Variants in ARHGEF12 observed in about 807,000 individuals in gnomAD.
ARHGEF12 encodes Rho guanine nucleotide exchange factor 12, also known as KMT2A/ARHGEF12 fusion protein.
ARHGEF12 carries 66 observed loss-of-function variants against 211.2 expected under a neutral mutation model. The ratio of observed to expected loss-of-function variants is 0.31; its 90% CI spans 0.26 to 0.38. The LOEUF (loss-of-function observed/expected upper bound fraction) is 0.38. ARHGEF12 is among the 10% of genes least tolerant of loss of function. The pLI is 1.00. For missense variants in ARHGEF12, 1,429 were observed against 1,869.5 expected, an observed-to-expected ratio of 0.76 and a Z score of 4.34; for synonymous variants, 592 against 638.4, an observed-to-expected ratio of 0.93 and a Z score of 1.09.
intron 1 of ARHGEF12, among the ~76,000 whole-genome samples, chr11:120,376,372 G>A (rs1943723862): frequency 6.6e-6 from 1 of 151,956 alleles, no homozygotes. Context: ...ACTTAGGTTC[G>A]TATTTTAAGT....
intron 27 of ARHGEF12, chr11:120,462,834 G>A (rs986885877): frequency 6.6e-6 from 1 of 152,128 alleles, no homozygotes; most frequent in African/African-American, 2.4e-5. Flanking sequence ...TTCCAACTTC[G>A]ACAGTTTTTT....
intron 22 of ARHGEF12, among the ~76,000 whole-genome samples, chr11:120,454,411 GTTA>G (rs962059724): frequency 1.3e-5 from 2 of 152,130 alleles, no homozygotes; most frequent in African/African-American, 4.8e-5. Flanking sequence ...CATTAAAGAA[GTTA>G]TTATCTCTAT....
chr11:120,411,113 C>T (rs1366093608), intron 4 of ARHGEF12: 1 of 152,068 alleles, frequency 6.6e-6, no homozygotes, highest in Non-Finnish European at 1.5e-5. Context: ...TCAGGCATGC[C>T]ATTGGCTTGG....
rs189496947 is a variant in ARHGEF12, at chr11:120,403,323, A to G, written c.33-2795A>G. Among the ~76,000 whole-genome samples, 1,436 of 152,202 alleles carry G rather than the reference A, an allele frequency of 9.4e-3. 46 individuals carry two copies. The highest frequency in any genetic ancestry group is 0.056 in the Admixed American group (852 of 15,278). Reference sequence around the variant, plus strand: ...GGAGTTCAAGATCAGCCTGGCCAACATGGCGAAACCCCGTCTCTACTAAAA... The same window carrying G: ...GGAGTTCAAGATCAGCCTGGCCAACGTGGCGAAACCCCGTCTCTACTAAAA... On this transcript the variant is annotated intron_variant, in intron 1 of 40. Coordinates refer to ENST00000397843, the MANE Select transcript of ARHGEF12 (RefSeq NM_015313.3).
rs1472333450 is a variant in ARHGEF12 at position 120,479,954 on chromosome 11, G to A, written c.3767-6G>A. ...TTTTTTTCCCCCTCCTTCCTAAATC[G>A]TTTAGTGGGTTTGTTGAAGCAGTTG... On this transcript the variant is annotated splice_polypyrimidine_tract_variant and splice_region_variant and intron_variant, in intron 37 of 40. Coordinates refer to ENST00000397843, the MANE Select transcript of ARHGEF12 (RefSeq NM_015313.3). 13 of 1,607,550 alleles carry A rather than the reference G, an allele frequency of 8.1e-6. No individual in the cohort carries two copies. Among genetic ancestry groups the A allele is most frequent in the African/African-American group, 1.3e-5 (1 of 74,758 alleles).
At chr11:120,423,903 T>A (rs1229725196) in intron 6 of ARHGEF12, among the ~76,000 whole-genome samples, 1 of 152,218 alleles carries the variant, frequency 6.6e-6, no homozygotes, top group Non-Finnish European at 1.5e-5. Context: ...GTCTGAAAAT[T>A]AATTTTCTTT....
chr11:120,436,050 T>C (rs57912596), intron 11 of ARHGEF12, among the ~76,000 whole-genome samples: 34,104 of 151,986 alleles, frequency 0.22, 3,997 homozygotes, highest in African/African-American at 0.24. Flanking sequence ...TCAGAAGAGT[T>C]TTTTCAGGAG....
intron 1 of ARHGEF12, among the ~76,000 whole-genome samples, chr11:120,363,115 A>G (rs562114334): frequency 3.3e-5 from 5 of 152,362 alleles, no homozygotes; most frequent in African/African-American, 1.2e-4. Flanking sequence ...ATAAAAAAAG[A>G]AAAAAGGAAA....
At chr11:120,360,839 A>G (rs781502624) in intron 1 of ARHGEF12, among the ~76,000 whole-genome samples, 1 of 152,256 alleles carries the variant, frequency 6.6e-6, no homozygotes, top group Non-Finnish European at 1.5e-5. Context: ...TAAAAGTGGA[A>G]TGTAGCAATG....
chr11:120,355,790 C>G (rs570039553), intron 1 of ARHGEF12, among the ~76,000 whole-genome samples: 2 of 152,202 alleles, frequency 1.3e-5, no homozygotes, highest in African/African-American at 4.8e-5. Flanking sequence ...TTATGTTACT[C>G]CAAATGAAAA....
At chr11:120,468,249 A>G (rs1486979061) in intron 29 of ARHGEF12, among the ~76,000 whole-genome samples, 3 of 152,228 alleles carry the variant, frequency 2.0e-5, no homozygotes, top group Non-Finnish European at 4.4e-5. Context: ...ATTTGAATGC[A>G]TAAGCAGGAA....
chr11:120,427,978 C>A, intron 7 of ARHGEF12, 91 bp from the exon 8 acceptor site: 1 of 1,091,040 alleles, frequency 9.2e-7, no homozygotes, highest in Non-Finnish European at 1.3e-6. Context: ...TCTTTTAGAA[C>A]TATCGAAGAT....
At chr11:120,416,599 C>T (rs1472157186) in intron 4 of ARHGEF12, among the ~76,000 whole-genome samples, 1 of 152,210 alleles carries the variant, frequency 6.6e-6, no homozygotes, top group Non-Finnish European at 1.5e-5. Flanking sequence ...CTTCCTTACC[C>T]ATCCAAAACT....
chr11:120,425,599 G>C (rs906105775), intron 7 of ARHGEF12, among the ~76,000 whole-genome samples: 1 of 151,758 alleles, frequency 6.6e-6, no homozygotes, highest in Non-Finnish European at 1.5e-5. Flanking sequence ...ACCTGGCCAA[G>C]ATTTTATATT....
chr11:120,364,665 T>G (rs1234499315), intron 1 of ARHGEF12, among the ~76,000 whole-genome samples: 1 of 152,154 alleles, frequency 6.6e-6, no homozygotes, highest in Non-Finnish European at 1.5e-5. Flanking sequence ...AAAATATATG[T>G]AAGCATTAAA....
Position 120,436,410 on chromosome 11 carries a change from A to G in ARHGEF12, c.925-898A>G, listed in dbSNP as rs184138415. ...TGCATAGGTAAAATGTATCTTCCCT[A>G]TTGGCACTCGTTAGGTCTCTGGTTC... On this transcript the variant is annotated intron_variant, in intron 11 of 40. Transcript: ENST00000397843. Among the ~76,000 whole-genome samples the G allele has an allele frequency of 3.3e-5, 5 of 152,136 alleles. No individual in the cohort carries two copies. The East Asian group carries it at 7.7e-4, about 23-fold the overall frequency.
At chr11:120,467,402 G>A in intron 29 of ARHGEF12, 94 bp downstream of exon 29, 2 of 503,080 alleles carry the variant, frequency 4.0e-6, no homozygotes, top group Non-Finnish European at 6.8e-6. Flanking sequence ...CCTGAATGGA[G>A]TTGGATTTCC....
intron 18 of ARHGEF12, chr11:120,447,396 A>G (rs1289995376): frequency 7.4e-6 from 2 of 269,080 alleles, no homozygotes; most frequent in Non-Finnish European, 1.4e-5. Context: ...CATGAAGCAT[A>G]TACAGTTGGT....
intron 19 of ARHGEF12, 91 bp downstream of exon 19, chr11:120,447,997 T>C: frequency 9.4e-7 from 1 of 1,062,352 alleles, no homozygotes; most frequent in Non-Finnish European, 1.4e-6. Flanking sequence ...TTATTTCTTT[T>C]AACTTACAAA....
Sources: gnomAD v4.1 joint callset for allele counts (sites outside exome capture counted in the v4.1 genomes callset) on GRCh38, gnomAD v4.1.1 for gene constraint, MANE v1.5 for transcripts, NCBI Gene and HGNC (gene_info 2026-07-23, HGNC 2026-07-21) for gene names.